The following UCK2 variants were observed in gnomAD, a reference collection of about 807,000 sequenced individuals.
UCK2 encodes uridine-cytidine kinase 2, also known as cytidine monophosphokinase 2.
A neutral mutation model predicts 30.8 loss-of-function variants in UCK2; 6 were observed. That is an observed-to-expected ratio of 0.19 (90% CI 0.11 to 0.38). The LOEUF is 0.38. UCK2 is among the 10% of genes least tolerant of loss of function. The probability of loss-of-function intolerance (pLI) is 1.00; values close to 1 mark genes in which losing one functional copy is unlikely to be tolerated. For synonymous variants in UCK2, 125 were observed against 133.6 expected (o/e 0.94, Z 0.45); for missense variants, 210 against 339.8 (o/e 0.62, Z 3.00).
chr1:165,828,342 A>G (rs1372263084), intron 1 of UCK2, among the ~76,000 whole-genome samples: 2 of 152,162 alleles, frequency 1.3e-5, no homozygotes, highest in Non-Finnish European at 2.9e-5. Flanking sequence ...CCGGTCTGGC[A>G]CAGACGTGCT....
At chr1:165,890,450 C>T (rs900315821) in intron 2 of UCK2, 87 bp downstream of exon 2, 6 of 1,333,546 alleles carry the variant, frequency 4.5e-6, no homozygotes, top group East Asian at 2.4e-5. Context: ...GTTGCTTAAC[C>T]TCTCGGAATC....
At chr1:165,841,422 G>A (rs1463177456) in intron 1 of UCK2, among the ~76,000 whole-genome samples, 3 of 152,068 alleles carry the variant, frequency 2.0e-5, no homozygotes, top group Admixed American at 6.5e-5. Context: ...GACCTCAGGT[G>A]ATCCACCCCC....
chr1:165,848,103 A>G lies in UCK2; in HGVS notation c.99+20171A>G, dbSNP rs184303268. On this transcript the variant is annotated intron_variant, in intron 1 of 6. Coordinates refer to ENST00000367879, the MANE Select transcript of UCK2 (RefSeq NM_012474.5). ...GGTTAAATTGGCATTTAGTGTTAACATAATGATCATATGAACATTTTAACT... is the reference window on the plus strand; with the variant it reads ...GGTTAAATTGGCATTTAGTGTTAACGTAATGATCATATGAACATTTTAACT... Among the ~76,000 whole-genome samples, 8 of 152,378 alleles carry G rather than the reference A, an allele frequency of 5.3e-5. No individual in the cohort carries two copies. The East Asian group carries it at 1.5e-3, about 29-fold the overall frequency.
At chr1:165,855,181 G>T (rs887276093) in intron 1 of UCK2, among the ~76,000 whole-genome samples, 3 of 152,146 alleles carry the variant, frequency 2.0e-5, no homozygotes, top group African/African-American at 7.2e-5. Flanking sequence ...AAATGAAAAA[G>T]ACTTTACCTT....
intron 1 of UCK2, among the ~76,000 whole-genome samples, chr1:165,885,841 A>C (rs555863595): frequency 6.6e-6 from 1 of 152,242 alleles, no homozygotes; most frequent in South Asian, 2.1e-4. Context: ...TGCTGAGCCC[A>C]GTACCTAGCA....
At chr1:165,855,551 GCTGA>G (rs1038008128) in intron 1 of UCK2, among the ~76,000 whole-genome samples, 1 of 149,348 alleles carries the variant, frequency 6.7e-6, no homozygotes, top group Non-Finnish European at 1.5e-5. Flanking sequence ...TTCTGTCTGG[GCTGA>G]CTGAGACCCA....
chr1:165,833,088 G>GT (rs1654094462), intron 1 of UCK2, among the ~76,000 whole-genome samples: 1 of 152,148 alleles, frequency 6.6e-6, no homozygotes, highest in Middle Eastern at 3.2e-3. Flanking sequence ...GCTTCAGAAT[G>GT]TGCTCTGGAC....
At chr1:165,905,490 AAAAG>A (rs755380119) in intron 5 of UCK2, among the ~76,000 whole-genome samples, 163 of 152,236 alleles carry the variant, frequency 1.1e-3, no homozygotes, top group Admixed American at 2.9e-3. Context: ...TCTTAAAAAA[AAAAG>A]AGAGAGTGAG....
intron 1 of UCK2, among the ~76,000 whole-genome samples, chr1:165,887,519 TTAAATA>T (rs1417576669): frequency 6.6e-6 from 1 of 152,202 alleles, no homozygotes; most frequent in African/African-American, 2.4e-5. Context: ...TTTATGGGTT[TTAAATA>T]TAAATAAAAA....
At chr1:165,874,438 C>T (rs184834520) in intron 1 of UCK2, among the ~76,000 whole-genome samples, 72 of 152,256 alleles carry the variant, frequency 4.7e-4, no homozygotes, top group African/African-American at 1.7e-3. Context: ...CATGCTGCTA[C>T]CTTTTGTAAA....
intron 1 of UCK2, among the ~76,000 whole-genome samples, chr1:165,842,573 T>G (rs1654356730): frequency 6.6e-6 from 1 of 152,170 alleles, no homozygotes; most frequent in South Asian, 2.1e-4. Context: ...CAGTCAATCT[T>G]GCTTTCTGAA....
chr1:165,862,877 G>A (rs949715424), intron 1 of UCK2, among the ~76,000 whole-genome samples: 2 of 152,154 alleles, frequency 1.3e-5, no homozygotes, highest in African/African-American at 2.4e-5. Context: ...TGGAAAAGAA[G>A]CTTGTCAGAT....
At chr1:165,874,903 T>C (rs1390829408) in intron 1 of UCK2, among the ~76,000 whole-genome samples, 1 of 152,182 alleles carries the variant, frequency 6.6e-6, no homozygotes, top group Non-Finnish European at 1.5e-5. Flanking sequence ...TGGTACATAA[T>C]GTATGAACAC....
intron 1 of UCK2, among the ~76,000 whole-genome samples, chr1:165,869,481 A>G (rs1276501397): frequency 1.3e-5 from 2 of 151,986 alleles, no homozygotes; most frequent in Non-Finnish European, 2.9e-5. Context: ...TTCTATATTT[A>G]GTTTTTTGAG....
chr1:165,890,381 G>T lies in UCK2; in HGVS notation c.259+18G>T, dbSNP rs201723316. 1 of 1,613,228 alleles carries T rather than the reference G, an allele frequency of 6.2e-7. No homozygotes were observed. Among genetic ancestry groups the T allele is most frequent in the African/African-American group, 1.3e-5 (1 of 74,886 alleles). On this transcript the variant is annotated intron_variant, in intron 2 of 6. Transcript: ENST00000367879. ...CCACCCGGGTGAGTCGGGCATTGAA[G>T]GGGGTATGTATCTGTATTGGTGTGT...
intron 2 of UCK2, 69 bp downstream of exon 2, chr1:165,890,432 A>T: frequency 1.3e-6 from 2 of 1,532,640 alleles, no homozygotes; most frequent in Non-Finnish European, 1.8e-6. Context: ...TATTTTGCTC[A>T]TGAGGAAGTT....
At chr1:165,846,762 A>G (rs1654460219) in intron 1 of UCK2, among the ~76,000 whole-genome samples, 1 of 152,208 alleles carries the variant, frequency 6.6e-6, no homozygotes, top group Non-Finnish European at 1.5e-5. Context: ...GACTTGATTT[A>G]GGGATTAGAA....
intron 1 of UCK2, among the ~76,000 whole-genome samples, chr1:165,829,235 C>T (rs1400712689): frequency 1.3e-5 from 2 of 152,180 alleles, no homozygotes; most frequent in African/African-American, 2.4e-5. Flanking sequence ...AGTTTCTGTT[C>T]TGTGTGCTCC....
Position 165,856,285 on chromosome 1 carries a change from G to T in UCK2, c.99+28353G>T, listed in dbSNP as rs142260594. On this transcript the variant is annotated intron_variant, in intron 1 of 6. Coordinates refer to ENST00000367879, the MANE Select transcript of UCK2 (RefSeq NM_012474.5). Reference sequence around the variant, plus strand: ...TGAATTCTGATATCTAGTAAGCTGAGTGGGGCCCATTGAAGCAGTAGCCAA... The same window carrying T: ...TGAATTCTGATATCTAGTAAGCTGATTGGGGCCCATTGAAGCAGTAGCCAA... Among the ~76,000 whole-genome samples, 1,370 of 152,072 alleles carry T rather than the reference G, an allele frequency of 9.0e-3. 57 individuals carry two copies. The highest frequency in any genetic ancestry group is 0.076 in the Admixed American group (1,154 of 15,262).
Sources: gnomAD v4.1 joint callset for allele counts (sites outside exome capture counted in the v4.1 genomes callset) on GRCh38, gnomAD v4.1.1 for gene constraint, MANE v1.5 for transcripts, NCBI Gene and HGNC (gene_info 2026-07-23, HGNC 2026-07-21) for gene names.